PTPRT: variants seen among roughly 807,000 people sequenced by gnomAD.
PTPRT encodes the protein receptor-type tyrosine-protein phosphatase T.
Under a neutral mutation model 176.8 loss-of-function variants are expected in PTPRT, and 56 were observed. The observed-to-expected ratio is 0.32, with a 90% CI of 0.26 to 0.40. The LOEUF (loss-of-function observed/expected upper bound fraction) is 0.40. PTPRT is among the 10% of genes least tolerant of loss of function. The pLI, the probability that PTPRT is intolerant of heterozygous loss-of-function variation, is 1.00. For synonymous variants in PTPRT, 783 were observed against 739.0 expected, an observed-to-expected ratio of 1.06 and a Z score of -0.96; for missense variants, 1,540 against 1,908.2, an observed-to-expected ratio of 0.81 and a Z score of 3.60.
intron 6 of PTPRT, among the ~76,000 whole-genome samples, chr20:42,689,510 T>C (rs3092596): frequency 0.24 from 35,990 of 151,960 alleles, 5,283 homozygotes; most frequent in African/African-American, 0.41. Context: ...ACTGAAGGAG[T>C]GAGCCACACC....
the PTPRT span, among the ~76,000 whole-genome samples, chr20:42,066,075 T>C: frequency 6.6e-6 from 1 of 150,922 alleles, no homozygotes; most frequent in African/African-American, 2.4e-5. Context: ...GTTTCACTCT[T>C]GTTGCCCAGG....
chr20:42,771,518 C>T lies in PTPRT; in HGVS notation c.601G>A (p.Val201Met), dbSNP rs749246233. The T allele has an allele frequency of 7.4e-6, 12 of 1,614,152 alleles. No individual in the cohort carries two copies. The highest frequency in any genetic ancestry group is 5.3e-5 in the African/African-American group (4 of 75,042). Residue 201 changes from valine (V) to methionine (M), a missense_variant, in exon 5 of 31, where the codon GTG (valine) becomes ATG (methionine). By Grantham distance (21) the Val-to-Met change is conservative. Around this residue, in one of 11 missense-constraint regions of PTPRT, gnomAD observed 273 missense variants for 432.1 expected, o/e 0.63. Transcript: ENST00000373187. ...GCATTCTGCCCCACATTCACCTCCA[C>T]GTTTTGGAGTCGCAGAAAATGAGGT... is the stretch of plus-strand genomic sequence containing the variant. The part of the protein sequence containing the change: ...KAPHFLRLQN[V>M]EVNVGQNATF...
At chr20:42,394,604 A>G (rs1213131641) in intron 9 of PTPRT, among the ~76,000 whole-genome samples, 1 of 152,194 alleles carries the variant, frequency 6.6e-6, no homozygotes, top group African/African-American at 2.4e-5. Context: ...AGCTTAGGAT[A>G]TGATTGGATA....
intron 9 of PTPRT, among the ~76,000 whole-genome samples, chr20:42,396,840 G>A (rs1274933968): frequency 6.6e-6 from 1 of 152,188 alleles, no homozygotes; most frequent in Non-Finnish European, 1.5e-5. Flanking sequence ...CTATAGGCGT[G>A]AGCCACTGAG....
chr20:42,602,210 G>C (rs527666522), intron 7 of PTPRT, among the ~76,000 whole-genome samples: 6 of 152,200 alleles, frequency 3.9e-5, no homozygotes, highest in African/African-American at 4.8e-5. Context: ...TGCTTTTAAA[G>C]TTTATGTTCC....
At chr20:42,980,820 T>TA (rs1440669500) in intron 1 of PTPRT, among the ~76,000 whole-genome samples, 1 of 152,166 alleles carries the variant, frequency 6.6e-6, no homozygotes, top group Non-Finnish European at 1.5e-5. Flanking sequence ...TCTGCTCCTT[T>TA]AAAAAAATTC....
intron 9 of PTPRT, among the ~76,000 whole-genome samples, chr20:42,375,938 T>C (rs1227495491): frequency 6.6e-6 from 1 of 152,082 alleles, no homozygotes; most frequent in Non-Finnish European, 1.5e-5. Context: ...GCAATCAGAA[T>C]TAAACAAACA....
intron 15 of PTPRT, among the ~76,000 whole-genome samples, chr20:42,201,670 C>T (rs1165960960): frequency 2.8e-5 from 4 of 141,910 alleles, no homozygotes; most frequent in East Asian, 2.1e-4. Flanking sequence ...ACAGAAGCAG[C>T]GGCTTTCTCT....
intron 7 of PTPRT, among the ~76,000 whole-genome samples, chr20:42,531,495 C>T (rs1412340999): frequency 1.3e-5 from 2 of 152,156 alleles, no homozygotes; most frequent in Non-Finnish European, 2.9e-5. Context: ...TTAATCAAAT[C>T]GTCAACAGCC....
At position 43,050,487 on chromosome 20, in the gene PTPRT, G is replaced by A. The variant is rs1463738377; in HGVS notation, c.88+139159C>T. Among the ~76,000 whole-genome samples the A allele has an allele frequency of 5.3e-5, 8 of 152,112 alleles. No individual in the cohort carries two copies. The East Asian group carries it at 7.7e-4, about 15-fold the overall frequency. On this transcript the variant is annotated intron_variant, in intron 1 of 30. Coordinates refer to ENST00000373187, the MANE Select transcript of PTPRT (RefSeq NM_007050.6). ...ATCTACCACCAGCTCTCCCTCATAC[G>A]GCGTCTCTGCTCATTGACAGACCCA...
At chr20:42,473,670 T>G (rs2071238362) in intron 7 of PTPRT, among the ~76,000 whole-genome samples, 1 of 152,154 alleles carries the variant, frequency 6.6e-6, no homozygotes, top group Non-Finnish European at 1.5e-5. Context: ...ATATGGGGTC[T>G]CTCTATGTTG....
At chr20:42,055,887 G>T in the PTPRT span, among the ~76,000 whole-genome samples, 2 of 152,160 alleles carry the variant, frequency 1.3e-5, no homozygotes, top group Non-Finnish European at 2.9e-5. Flanking sequence ...AATTTCTGGG[G>T]AGGCCAGCTG....
chr20:42,864,303 G>A (rs1253783751), intron 2 of PTPRT, among the ~76,000 whole-genome samples: 2 of 152,210 alleles, frequency 1.3e-5, no homozygotes, highest in Non-Finnish European at 2.9e-5. Context: ...AGCCCACCTA[G>A]TGTTAAACAC....
chr20:42,063,328 C>G, the PTPRT span, among the ~76,000 whole-genome samples: 1 of 152,154 alleles, frequency 6.6e-6, no homozygotes, highest in Admixed American at 6.5e-5. Flanking sequence ...TGCACTTGTT[C>G]CACAACCCCA....
intron 16 of PTPRT, among the ~76,000 whole-genome samples, chr20:42,187,677 T>A (rs1990835196): frequency 6.6e-6 from 1 of 152,212 alleles, no homozygotes; most frequent in African/African-American, 2.4e-5. Flanking sequence ...CCTATCACAA[T>A]CCAGCTGAGT....
intron 9 of PTPRT, among the ~76,000 whole-genome samples, chr20:42,393,689 A>G (rs2058822729): frequency 6.6e-6 from 1 of 152,234 alleles, no homozygotes; most frequent in South Asian, 2.1e-4. Context: ...CATGTCTAAA[A>G]CTGAGCTAAG....
At chr20:42,200,044 G>T (rs1991387241) in intron 15 of PTPRT, among the ~76,000 whole-genome samples, 1 of 138,780 alleles carries the variant, frequency 7.2e-6, no homozygotes, top group Admixed American at 7.3e-5. Flanking sequence ...TGAATCACCT[G>T]AAGAGTCACA....
At chr20:42,282,892 G>A (rs1435749859) in intron 12 of PTPRT, among the ~76,000 whole-genome samples, 3 of 152,162 alleles carry the variant, frequency 2.0e-5, no homozygotes, top group African/African-American at 7.2e-5. Flanking sequence ...AGTTGCATGA[G>A]TGAGCAGATG....
At chr20:42,451,586 G>C (rs1601049825) in intron 8 of PTPRT, among the ~76,000 whole-genome samples, 1 of 152,138 alleles carries the variant, frequency 6.6e-6, no homozygotes, top group African/African-American at 2.4e-5. Flanking sequence ...TGGAGAAACT[G>C]GGAGTCAGTG....
Sources: gnomAD v4.1 joint callset for allele counts (sites outside exome capture counted in the v4.1 genomes callset) on GRCh38, gnomAD v4.1.1 for gene constraint, gnomAD v4.1.1 regional missense constraint, MANE v1.5 for transcripts, NCBI Gene and HGNC (gene_info 2026-07-23, HGNC 2026-07-21) for gene names.